MRC1: variants seen among roughly 807,000 people sequenced by gnomAD.
The protein encoded by MRC1 is mannose receptor C-type 1.
MRC1 carries 62 observed loss-of-function variants against 102.9 expected under a neutral mutation model. The observed-to-expected ratio is 0.60, with a 90% CI of 0.49 to 0.74. The LOEUF (loss-of-function observed/expected upper bound fraction) is 0.74, where lower values mean the gene tolerates loss of function less well. MRC1 is among the 30% of genes least tolerant of loss of function. MRC1 has a pLI of 0.00. For synonymous variants in MRC1, 457 were observed against 298.4 expected (o/e 1.53, Z -5.48); for missense variants, 1,237 against 862.8 (o/e 1.43, Z -5.43).
rs1833780259 is a variant in MRC1, at chr10:17,898,121, A to C, written c.3338A>C (p.Lys1113Thr). 3 of 780,738 alleles carry C rather than the reference A, an allele frequency of 3.8e-6. No homozygotes were observed. Among genetic ancestry groups the C allele is most frequent in the Non-Finnish European group, 7.2e-6 (3 of 417,966 alleles). 48.4% of individuals were successfully genotyped at this position (780,738 alleles called of 1,614,324 possible). ...AGCAGCTATTCACTCATGAGACAAA[A>C]ATTTCAATGGCATGAAGCGGAGACA... ...GKSSYSLMRQ[K>T]FQWHEAETYC... Residue 1113 changes from lysine (K) to threonine (T), a missense_variant, in exon 24 of 30, where the codon AAA (lysine) becomes ACA (threonine). Physicochemically the swap from Lys to Thr is moderately conservative, Grantham distance 78. Coordinates refer to ENST00000569591, the MANE Select transcript of MRC1 (RefSeq NM_002438.4).
chr10:17,870,455 ATTG>A, intron 13 of MRC1, 82 bp downstream of exon 13: 2 of 778,614 alleles, frequency 2.6e-6, no homozygotes, highest in Admixed American at 1.7e-5. Flanking sequence ...TGTTTCTGAA[ATTG>A]TTGTCTCAGG....
At chr10:17,889,012 G>A (rs1191813768) in intron 22 of MRC1, among the ~76,000 whole-genome samples, 1 of 152,156 alleles carries the variant, frequency 6.6e-6, no homozygotes, top group African/African-American at 2.4e-5. Flanking sequence ...AGATCATTAC[G>A]TAATGTTCCT....
At chr10:17,821,461 C>G (rs1838395065) in intron 1 of MRC1, among the ~76,000 whole-genome samples, 1 of 151,896 alleles carries the variant, frequency 6.6e-6, no homozygotes, top group South Asian at 2.1e-4. Context: ...GTCTTGGTAC[C>G]CAGATATTTG....
intron 11 of MRC1, chr10:17,865,515 T>C (rs992708542): frequency 3.9e-5 from 6 of 152,200 alleles, no homozygotes; most frequent in Admixed American, 1.3e-4. Flanking sequence ...TGGATGGAAG[T>C]GGAACAGAAC....
chr10:17,841,017 G>A (rs1324715970), intron 5 of MRC1, among the ~76,000 whole-genome samples: 7 of 152,208 alleles, frequency 4.6e-5, no homozygotes, highest in African/African-American at 7.2e-5. Context: ...GGATTTGTCT[G>A]CCAGGATTCT....
chr10:17,875,151 A>G lies in MRC1; in HGVS notation c.2448A>G (p.Lys816=), dbSNP rs1339431495. 1.0e-5 allele frequency: 8 copies of G among 780,780 alleles called. No homozygotes were observed. The highest frequency in any genetic ancestry group is 1.9e-5 in the Non-Finnish European group (8 of 417,972). 48.4% of individuals were successfully genotyped at this position (780,780 alleles called of 1,614,324 possible). A position where few individuals can be genotyped will look rare whatever the true frequency, so the allele number is the denominator to read the frequency against. ...IYKDYQYYFS[K]EKETMDNARA... Reference sequence around the variant, plus strand: ...AAGACTACCAGTATTATTTCAGCAAAGAGAAGGAAACCATGGACAATGCGC... The same window carrying G: ...AAGACTACCAGTATTATTTCAGCAAGGAGAAGGAAACCATGGACAATGCGC... Residue 816 remains lysine (K), a synonymous_variant, in exon 17 of 30, where the codon AAA becomes AAG. Transcript: ENST00000569591.
chr10:17,896,693 G>A (rs1308909652), intron 23 of MRC1, among the ~76,000 whole-genome samples: 1 of 152,124 alleles, frequency 6.6e-6, no homozygotes, highest in Non-Finnish European at 1.5e-5. Flanking sequence ...CACTTTGAGA[G>A]GCTGAGGCAG....
At chr10:17,900,211 A>G (rs1220052615) in intron 24 of MRC1, among the ~76,000 whole-genome samples, 10 of 152,086 alleles carry the variant, frequency 6.6e-5, no homozygotes, top group Admixed American at 6.5e-5. Context: ...TCACTAGAAT[A>G]TAGCTGAAAG....
intron 9 of MRC1, 24 bp from the exon 10 acceptor site, chr10:17,861,363 T>A: frequency 1.2e-6 from 1 of 851,436 alleles, no homozygotes; most frequent in Admixed American, 1.7e-5. Flanking sequence ...TGCTCATTTA[T>A]TCACTGCTTG....
In MRC1 at chr10:17,809,691, G is replaced by T. The variant is rs1554837303; in HGVS notation, c.61+165G>T. Among the ~76,000 whole-genome samples, 3 of 152,110 alleles carry T rather than the reference G, an allele frequency of 2.0e-5. No individual in the cohort carries two copies. In the East Asian group the frequency reaches 5.8e-4, roughly 29 times the overall value. ...CTAAGCCTGCTGCCTTCACCTGGCG[G>T]CCAGGCATGGGAGGCCTGGAGTTGG... On this transcript the variant is annotated intron_variant, in intron 1 of 29. Transcript: ENST00000569591.
rs940978984 is a variant in MRC1, at chr10:17,882,520, T to G, written c.2980+1339T>G. Among the ~76,000 whole-genome samples the G allele has an allele frequency of 4.6e-5, 7 of 152,302 alleles. No homozygotes were observed. The East Asian group carries it at 5.8e-4, about 13-fold the overall frequency. On this transcript the variant is annotated intron_variant, in intron 21 of 29. Coordinates refer to ENST00000569591, the MANE Select transcript of MRC1 (RefSeq NM_002438.4). ...GTAAGCTCTCTTTTGGTTCAGAGAT[T>G]CTTTGACTTCTAGAATCATTTATTT...
intron 15 of MRC1, among the ~76,000 whole-genome samples, chr10:17,872,709 G>A (rs1210825213): frequency 2.6e-5 from 4 of 152,234 alleles, no homozygotes; most frequent in South Asian, 2.1e-4. Flanking sequence ...CAAACAATAC[G>A]CATGCTGACA....
At chr10:17,889,738 T>A (rs1309347733) in intron 22 of MRC1, among the ~76,000 whole-genome samples, 1 of 152,250 alleles carries the variant, frequency 6.6e-6, no homozygotes, top group African/African-American at 2.4e-5. Context: ...TAAGCTATTA[T>A]CACCAAATAC....
At chr10:17,857,994 C>T (rs1483314259) in intron 9 of MRC1, among the ~76,000 whole-genome samples, 1 of 152,152 alleles carries the variant, frequency 6.6e-6, no homozygotes, top group African/African-American at 2.4e-5. Flanking sequence ...GGCAACCCCA[C>T]AGGTGAGACT....
Position 17,827,611 on chromosome 10 carries a change from G to C in MRC1, c.533G>C (p.Trp178Ser). ...CAFPFKFENK[W>S]YADCTSAGRS... ...TTCCCGTTCAAGTTTGAAAACAAGT[G>C]GTACGCAGATTGCACGAGTGCTGGG... Residue 178 changes from tryptophan (W) to serine (S), a missense_variant, in exon 3 of 30, where the codon TGG becomes TCG. Transcript: ENST00000569591. 2 of 780,818 alleles carry C rather than the reference G, an allele frequency of 2.6e-6. No homozygotes were observed. The highest frequency in any genetic ancestry group is 3.4e-5 in the Admixed American group (2 of 59,026). 48.4% of individuals were successfully genotyped at this position (780,818 alleles called of 1,614,324 possible).
chr10:17,873,791 A>G lies in MRC1; in HGVS notation c.2352A>G (p.Thr784=). 1 of 872,634 alleles carries G rather than the reference A, an allele frequency of 1.1e-6. No homozygotes were observed. Among genetic ancestry groups the G allele is most frequent in the East Asian group, 2.4e-5 (1 of 41,696 alleles). 54.1% of individuals were successfully genotyped at this position (872,634 alleles called of 1,614,324 possible). ...TTTTCTCTTGTTTTACAGGACAAACACCAAAACCTGAGCCAACACCAGCTC... is the reference window on the plus strand; with the variant it reads ...TTTTCTCTTGTTTTACAGGACAAACGCCAAAACCTGAGCCAACACCAGCTC... ...NWICQIQKGQ[T]PKPEPTPAPQ... The change falls in exon 16 of 30, where the codon ACA becomes ACG. Residue 784 remains threonine, a synonymous_variant. Transcript: ENST00000569591.
intron 21 of MRC1, among the ~76,000 whole-genome samples, chr10:17,882,375 T>C (rs1401543470): frequency 6.6e-6 from 1 of 151,654 alleles, no homozygotes; most frequent in Non-Finnish European, 1.5e-5. Flanking sequence ...TAGGGGGCCA[T>C]TGTTACAGAA....
At chr10:17,880,221 C>T (rs1473024664) in intron 19 of MRC1, among the ~76,000 whole-genome samples, 7 of 150,172 alleles carry the variant, frequency 4.7e-5, no homozygotes, top group African/African-American at 1.5e-4. Context: ...TGTAGATGCT[C>T]GGTGTATACA....
At chr10:17,870,762 A>C in intron 13 of MRC1, 86 bp from the exon 14 acceptor site, 1 of 822,354 alleles carries the variant, frequency 1.2e-6, no homozygotes, top group Admixed American at 1.7e-5. Context: ...TTTTGGAGGT[A>C]ACTTTCAAAT....
Sources: allele counts gnomAD v4.1 joint callset (sites outside exome capture counted in the v4.1 genomes callset), GRCh38; gene constraint gnomAD v4.1.1; transcripts MANE v1.5; gene names NCBI Gene and HGNC (gene_info 2026-07-23, HGNC 2026-07-21).